Variants in PSMA6 observed in about 807,000 individuals in gnomAD.
PSMA6 encodes proteasome 20S subunit alpha 6.
For synonymous variants in PSMA6, 88 were observed against 97.7 expected (o/e 0.90, Z 0.59); for missense variants, 170 against 294.8 (o/e 0.58, Z 3.10).
At chr14:35,280,293 AC>A (rs2051352935) in intron 1 of PSMA6, among the ~76,000 whole-genome samples, 3 of 151,970 alleles carry the variant, frequency 2.0e-5, no homozygotes, top group Admixed American at 2.0e-4. Context: ...TACAACAACA[AC>A]AAAAATGTAT....
At position 35,314,481 on chromosome 14, in the gene PSMA6, A is replaced by C. The variant is rs762072104; in HGVS notation, c.683+26A>C. ...GTGAGTGATATTGTGGGCCACATGCAGACTAGAAAGGTGGAGGCGTGTGAG... is the reference window on the plus strand; with the variant it reads ...GTGAGTGATATTGTGGGCCACATGCCGACTAGAAAGGTGGAGGCGTGTGAG... On this transcript the variant is annotated intron_variant, in intron 6 of 6. Coordinates refer to ENST00000261479, the MANE Select transcript of PSMA6 (RefSeq NM_002791.3). 5 of 1,598,816 alleles carry C rather than the reference A, an allele frequency of 3.1e-6. No individual in the cohort carries two copies. The Admixed American group carries it at 8.5e-5, about 27-fold the overall frequency.
At position 35,312,927 on chromosome 14, in the gene PSMA6, T is replaced by C. The variant is rs989316599; in HGVS notation, c.456T>C (p.Tyr152=). ...ATGAAGAGCAAGGCCCTCAGGTATATAAGTGTGATCCTGCAGGTTACTACT... is the reference window on the plus strand; with the variant it reads ...ATGAAGAGCAAGGCCCTCAGGTATACAAGTGTGATCCTGCAGGTTACTACT... The part of the protein sequence containing the change: ...GIDEEQGPQV[Y]KCDPAGYYCG... Residue 152 remains tyrosine, a synonymous_variant, in exon 5 of 7, where the codon TAT becomes TAC. Transcript: ENST00000261479. 1.9e-6 allele frequency: 3 copies of C among 1,596,840 alleles called. No individual in the cohort carries two copies. Among genetic ancestry groups the C allele is most frequent in the African/African-American group, 2.7e-5 (2 of 73,180 alleles).
intron 1 of PSMA6, 75 bp downstream of exon 1, chr14:35,292,627 G>A (rs567691893): frequency 2.5e-6 from 4 of 1,571,278 alleles, no homozygotes; most frequent in East Asian, 4.5e-5. Context: ...AGCAGACGCG[G>A]CCCGGGTTTA....
At chr14:35,307,491 T>C (rs778303023) in intron 1 of PSMA6, among the ~76,000 whole-genome samples, 8 of 152,156 alleles carry the variant, frequency 5.3e-5, no homozygotes, top group Non-Finnish European at 1.2e-4. Flanking sequence ...CCCTGCACTT[T>C]GGGATGCCAA....
intron 1 of PSMA6, among the ~76,000 whole-genome samples, chr14:35,298,739 T>C (rs2051648136): frequency 6.6e-6 from 1 of 151,832 alleles, no homozygotes; most frequent in Admixed American, 6.6e-5. Context: ...TTATTATTAT[T>C]ATTATTATTT....
chr14:35,305,752 C>T (rs540059463), intron 1 of PSMA6, among the ~76,000 whole-genome samples: 2 of 152,268 alleles, frequency 1.3e-5, no homozygotes, highest in African/African-American at 2.4e-5. Flanking sequence ...TCTGTGTTTT[C>T]ATATTTTCTA....
At chr14:35,278,633 A>C in exon 1 of PSMA6, 2 of 1,503,610 alleles carry the variant, frequency 1.3e-6, no homozygotes, top group Non-Finnish European at 8.9e-7. Flanking sequence ...GGAGCAGGGT[A>C]GTGTCCTAGG....
chr14:35,312,810 A>G, intron 4 of PSMA6, 71 bp from the exon 5 acceptor site: 1 of 1,379,970 alleles, frequency 7.2e-7, no homozygotes, highest in Non-Finnish European at 9.8e-7. Context: ...CAGCTATGTG[A>G]CACCACCAAG....
intron 6 of PSMA6, chr14:35,317,025 C>T: frequency 2.5e-6 from 1 of 397,962 alleles, no homozygotes; most frequent in Non-Finnish European, 4.5e-6. Flanking sequence ...TCAAAGTAAA[C>T]ATTTTTGTGT....
At chr14:35,278,892 G>T (rs545404753) in intron 1 of PSMA6, among the ~76,000 whole-genome samples, 55 of 151,928 alleles carry the variant, frequency 3.6e-4, no homozygotes, top group African/African-American at 1.3e-3. Flanking sequence ...TTAAGTTGTT[G>T]TACGTATATA....
At chr14:35,310,967 T>G (rs2051933050) in intron 4 of PSMA6, 72 bp downstream of exon 4, 1 of 1,431,964 alleles carries the variant, frequency 7.0e-7, no homozygotes. Context: ...TACAGAATTA[T>G]TTAAATAACA....
chr14:35,305,249 C>T (rs1329707447), intron 1 of PSMA6, among the ~76,000 whole-genome samples: 1 of 150,852 alleles, frequency 6.6e-6, no homozygotes, highest in Non-Finnish European at 1.5e-5. Context: ...CTCAAGTGAT[C>T]CTCTTGCCTC....
At chr14:35,281,029 A>G (rs2051361023) in intron 1 of PSMA6, among the ~76,000 whole-genome samples, 1 of 152,030 alleles carries the variant, frequency 6.6e-6, no homozygotes, top group African/African-American at 2.4e-5. Context: ...ACTGGGTTAA[A>G]CCACCATTGA....
At chr14:35,288,116 A>T (rs1485440587), upstream of PSMA6, among the ~76,000 whole-genome samples, 1 of 152,242 alleles carries the variant, frequency 6.6e-6, no homozygotes, top group African/African-American at 2.4e-5. Context: ...AGAAAACCTA[A>T]ACAGTGAGAA....
intron 1 of PSMA6, among the ~76,000 whole-genome samples, chr14:35,304,206 C>A (rs1211693842): frequency 6.6e-6 from 1 of 152,150 alleles, no homozygotes; most frequent in African/African-American, 2.4e-5. Flanking sequence ...CTCCTGACTT[C>A]AGGTGATCTG....
chr14:35,281,323 C>T (rs1399155180), intron 1 of PSMA6, among the ~76,000 whole-genome samples: 1 of 152,164 alleles, frequency 6.6e-6, no homozygotes, highest in Non-Finnish European at 1.5e-5. Context: ...TGAAAGAGCT[C>T]TCCCAACCTT....
intron 1 of PSMA6, among the ~76,000 whole-genome samples, chr14:35,280,431 G>T (rs987866716): frequency 6.7e-6 from 1 of 150,256 alleles, no homozygotes; most frequent in African/African-American, 2.5e-5. Flanking sequence ...ACCCAGGCTG[G>T]AGCTCAGTGG....
intron 1 of PSMA6, among the ~76,000 whole-genome samples, chr14:35,280,627 C>A (rs1409972074): frequency 6.6e-6 from 1 of 151,862 alleles, no homozygotes; most frequent in Non-Finnish European, 1.5e-5. Flanking sequence ...AGTGATCAGC[C>A]CACCTTGGCC....
intron 1 of PSMA6, among the ~76,000 whole-genome samples, chr14:35,307,689 G>A (rs1006797509): frequency 1.3e-5 from 2 of 152,030 alleles, no homozygotes; most frequent in African/African-American, 4.8e-5. Flanking sequence ...AGCTCAGGTC[G>A]CACCACTGCA....
Sources: allele counts gnomAD v4.1 joint callset (sites outside exome capture counted in the v4.1 genomes callset), GRCh38; gene constraint gnomAD v4.1.1; transcripts MANE v1.5; gene names NCBI Gene and HGNC (gene_info 2026-07-23, HGNC 2026-07-21).